Variants in OSBPL9 observed in about 807,000 individuals in gnomAD.
OSBPL9 encodes the protein oxysterol binding protein like 9.
OSBPL9 carries 40 observed loss-of-function variants against 106.6 expected under a neutral mutation model. The ratio of observed to expected loss-of-function variants is 0.38; its 90% CI spans 0.29 to 0.49. The LOEUF (loss-of-function observed/expected upper bound fraction) is 0.49. Ranked by LOEUF, OSBPL9 falls within the 20% of genes least tolerant of loss-of-function variation. The pLI is 0.97. For synonymous variants in OSBPL9, 269 were observed against 295.4 expected (o/e 0.91, Z 0.92); for missense variants, 609 against 887.2 (o/e 0.69, Z 3.98).
the OSBPL9 span, among the ~76,000 whole-genome samples, chr1:51,564,100 A>G: frequency 6.7e-6 from 1 of 149,946 alleles, no homozygotes; most frequent in Non-Finnish European, 1.5e-5. Flanking sequence ...GAAGAAAGGA[A>G]AAGAAAAGAA....
At chr1:51,773,542 A>G (rs1423325643) in intron 14 of OSBPL9, among the ~76,000 whole-genome samples, 2 of 152,148 alleles carry the variant, frequency 1.3e-5, no homozygotes, top group Non-Finnish European at 2.9e-5. Flanking sequence ...TGATTTTAAA[A>G]CCTGTAATCT....
At chr1:51,553,290 T>G in the OSBPL9 span, among the ~76,000 whole-genome samples, 2 of 151,864 alleles carry the variant, frequency 1.3e-5, no homozygotes. Flanking sequence ...GCAGGTGGAT[T>G]GCTTGAACCC....
chr1:51,541,660 A>T, the OSBPL9 span, among the ~76,000 whole-genome samples: 24 of 152,300 alleles, frequency 1.6e-4, no homozygotes, highest in African/African-American at 5.3e-4. Flanking sequence ...TGGTCAGCAT[A>T]GTGCTGCCTT....
intron 1 of OSBPL9, among the ~76,000 whole-genome samples, chr1:51,644,962 A>G (rs1337487849): frequency 2.0e-5 from 3 of 152,210 alleles, no homozygotes; most frequent in African/African-American, 7.2e-5. Context: ...CTTAACTGCA[A>G]CACTGCAACA....
chr1:51,765,232 T>C (rs1311610794), intron 11 of OSBPL9, among the ~76,000 whole-genome samples: 1 of 152,236 alleles, frequency 6.6e-6, no homozygotes, highest in Non-Finnish European at 1.5e-5. Flanking sequence ...TTTCATTTTC[T>C]GCATTCTTCT....
At chr1:51,679,008 A>T (rs1245373139) in intron 3 of OSBPL9, among the ~76,000 whole-genome samples, 1 of 152,218 alleles carries the variant, frequency 6.6e-6, no homozygotes, top group Non-Finnish European at 1.5e-5. Context: ...CCAAAATGAA[A>T]CCAAATAATA....
chr1:51,773,941 C>T (rs1442111295), intron 14 of OSBPL9, among the ~76,000 whole-genome samples: 2 of 148,966 alleles, frequency 1.3e-5, no homozygotes, highest in Non-Finnish European at 3.0e-5. Context: ...CAGCTGCTGG[C>T]GTTGTTGTTG....
Position 51,789,158 on chromosome 1 carries a change from G to A in OSBPL9, c.*1369G>A, listed in dbSNP as rs925193577. 2.2e-6 allele frequency: 3 copies of A among 1,347,024 alleles called. No homozygotes were observed. In the Admixed American group the frequency reaches 5.1e-5, roughly 23 times the overall value. The allele number at this position is 1,347,024 out of a possible 1,614,324, so 83.4% of individuals were successfully genotyped here. ...CTTCAATGGAAGCCCTAAGGCAGTA[G>A]TATAACTAACTCCATAAAATACAAA... On this transcript the variant is annotated 3_prime_UTR_variant, in exon 24 of 24. Transcript: ENST00000428468.
intron 1 of OSBPL9, among the ~76,000 whole-genome samples, chr1:51,639,673 C>T (rs1645653330): frequency 6.6e-6 from 1 of 152,100 alleles, no homozygotes; most frequent in Non-Finnish European, 1.5e-5. Context: ...AAGGAGACCT[C>T]ACTTTTAGCT....
At chr1:51,775,174 A>G (rs1674771379) in intron 14 of OSBPL9, among the ~76,000 whole-genome samples, 1 of 152,154 alleles carries the variant, frequency 6.6e-6, no homozygotes, top group Admixed American at 6.5e-5. Context: ...GTTTACCTAA[A>G]ATTTAAATGC....
At chr1:51,669,674 A>T in intron 3 of OSBPL9, 162 bp downstream of exon 3, 12 of 601,314 alleles carry the variant, frequency 2.0e-5, no homozygotes, top group Non-Finnish European at 2.8e-5. Context: ...TTAGGCAGGG[A>T]TTTGTATCTG....
At chr1:51,726,951 T>C (rs1663224738) in intron 4 of OSBPL9, among the ~76,000 whole-genome samples, 1 of 152,174 alleles carries the variant, frequency 6.6e-6, no homozygotes, top group Admixed American at 6.5e-5. Flanking sequence ...ACACTAAGAT[T>C]AGGAAAATGA....
At chr1:51,705,314 A>G (rs1436830667) in intron 3 of OSBPL9, among the ~76,000 whole-genome samples, 1 of 137,066 alleles carries the variant, frequency 7.3e-6, no homozygotes, top group Admixed American at 7.6e-5. Flanking sequence ...TCTTTTTGAT[A>G]CCTGCATAGT....
intron 8 of OSBPL9, among the ~76,000 whole-genome samples, chr1:51,750,966 C>G (rs940590495): frequency 6.6e-6 from 1 of 152,158 alleles, no homozygotes; most frequent in African/African-American, 2.4e-5. Context: ...ATCATAGAGA[C>G]TTTTAACCTA....
At chr1:51,533,584 G>C in the OSBPL9 span, among the ~76,000 whole-genome samples, 1 of 151,796 alleles carries the variant, frequency 6.6e-6, no homozygotes, top group Non-Finnish European at 1.5e-5. Flanking sequence ...GCGAGTAAAC[G>C]TAAGGGTCAG....
At chr1:51,652,698 T>C (rs1188733011) in intron 2 of OSBPL9, among the ~76,000 whole-genome samples, 3 of 152,236 alleles carry the variant, frequency 2.0e-5, no homozygotes, top group Non-Finnish European at 2.9e-5. Context: ...TAGGACTAGC[T>C]GTACTTCAGA....
In OSBPL9 at chr1:51,780,990, A is replaced by G. The variant is rs1251699790; in HGVS notation, c.1257-174A>G. Among the ~76,000 whole-genome samples the G allele has an allele frequency of 3.9e-5, 6 of 152,142 alleles. No individual in the cohort carries two copies. In the East Asian group the frequency reaches 9.6e-4, roughly 24 times the overall value. ...AAAAAAGAAAAAACCACTAAGACCA[A>G]TGCATTTAATTATATATATTATACT... On this transcript the variant is annotated intron_variant, in intron 15 of 23. Coordinates refer to ENST00000428468, the MANE Select transcript of OSBPL9 (RefSeq NM_024586.6).
intron 3 of OSBPL9, among the ~76,000 whole-genome samples, chr1:51,694,176 A>G (rs1486885301): frequency 6.6e-6 from 1 of 152,236 alleles, no homozygotes; most frequent in Non-Finnish European, 1.5e-5. Flanking sequence ...ATTAAAACTG[A>G]GGGATTTTGA....
intron 3 of OSBPL9, among the ~76,000 whole-genome samples, chr1:51,680,679 C>A (rs1304553513): frequency 6.6e-6 from 1 of 151,326 alleles, no homozygotes; most frequent in Non-Finnish European, 1.5e-5. Context: ...CAAAAAAAAA[C>A]CATGATTTGT....
Sources: gnomAD v4.1 joint callset for allele counts (sites outside exome capture counted in the v4.1 genomes callset) on GRCh38, gnomAD v4.1.1 for gene constraint, MANE v1.5 for transcripts, NCBI Gene and HGNC (gene_info 2026-07-23, HGNC 2026-07-21) for gene names.